Variants in COL25A1 observed in about 807,000 individuals in gnomAD.
The protein encoded by COL25A1 is collagen type XXV alpha 1 chain.
Under a neutral mutation model 128.4 loss-of-function variants are expected in COL25A1, and 103 were observed. The observed-to-expected ratio is 0.80, with a 90% CI of 0.68 to 0.94. The LOEUF is 0.94. COL25A1 is among the 40% of genes least tolerant of loss of function. COL25A1 has a pLI of 0.00. For synonymous variants in COL25A1, 279 were observed against 277.2 expected (o/e 1.01, Z -0.06); for missense variants, 745 against 840.0 (o/e 0.89, Z 1.40).
At chr4:108,889,180 A>C (rs1268802559) in intron 18 of COL25A1, 41 bp downstream of exon 18, 2 of 1,550,728 alleles carry the variant, frequency 1.3e-6, no homozygotes, top group Non-Finnish European at 1.8e-6. Flanking sequence ...TAAAATGGTG[A>C]ATATGAGACA....
chr4:108,898,060 T>A (rs1032427468), intron 15 of COL25A1, among the ~76,000 whole-genome samples: 5 of 152,196 alleles, frequency 3.3e-5, no homozygotes, highest in African/African-American at 1.2e-4. Context: ...GTCCTAGTAA[T>A]GTGTTATGAG....
At chr4:108,824,814 A>T (rs1429730453) in intron 34 of COL25A1, among the ~76,000 whole-genome samples, 1 of 152,208 alleles carries the variant, frequency 6.6e-6, no homozygotes, top group East Asian at 1.9e-4. Context: ...AAGGAAAAAA[A>T]TATTGCATAA....
At chr4:109,012,594 C>G (rs371454349) in intron 5 of COL25A1, among the ~76,000 whole-genome samples, 1 of 151,848 alleles carries the variant, frequency 6.6e-6, no homozygotes, top group Admixed American at 6.6e-5. Context: ...GGTGCCAGCC[C>G]TGGGCAGTAA....
intron 3 of COL25A1, among the ~76,000 whole-genome samples, chr4:109,293,769 A>T (rs1469824473): frequency 3.9e-5 from 6 of 152,150 alleles, no homozygotes; most frequent in African/African-American, 1.2e-4. Context: ...AAAATAAAAA[A>T]TGCGCTTCAA....
At chr4:109,189,852 G>A (rs1366589862) in intron 3 of COL25A1, among the ~76,000 whole-genome samples, 2 of 151,894 alleles carry the variant, frequency 1.3e-5, no homozygotes, top group Admixed American at 6.6e-5. Context: ...CTTTTTAATT[G>A]AAAGAGCTTT....
At chr4:109,285,908 C>G (rs916932325) in intron 3 of COL25A1, among the ~76,000 whole-genome samples, 1 of 152,014 alleles carries the variant, frequency 6.6e-6, no homozygotes, top group Non-Finnish European at 1.5e-5. Flanking sequence ...AGTGATTAAG[C>G]ATTTATCAGC....
At chr4:109,149,997 TGG>T (rs61195462) in intron 3 of COL25A1, among the ~76,000 whole-genome samples, 17,087 of 147,834 alleles carry the variant, frequency 0.12, 1,211 homozygotes, top group East Asian at 0.21. Flanking sequence ...TGTGTATGTG[TGG>T]GTGTGTGTGT....
intron 3 of COL25A1, among the ~76,000 whole-genome samples, chr4:109,206,836 T>C (rs1354916239): frequency 1.3e-5 from 2 of 152,162 alleles, no homozygotes; most frequent in African/African-American, 4.8e-5. Flanking sequence ...GGTGGCAGTC[T>C]GACAACTCCC....
At chr4:109,050,012 G>C in intron 4 of COL25A1, 123 bp downstream of exon 4, 4 of 650,340 alleles carry the variant, frequency 6.2e-6, no homozygotes. Flanking sequence ...AGGTCTAGCA[G>C]AGAAAGATTT....
chr4:109,232,676 C>G (rs1273350647), intron 3 of COL25A1, among the ~76,000 whole-genome samples: 1 of 152,090 alleles, frequency 6.6e-6, no homozygotes, highest in African/African-American at 2.4e-5. Flanking sequence ...TATAAGTAAC[C>G]TCTGTGACAA....
intron 3 of COL25A1, among the ~76,000 whole-genome samples, chr4:109,132,316 A>G (rs1769291482): frequency 6.6e-6 from 1 of 152,168 alleles, no homozygotes; most frequent in Non-Finnish European, 1.5e-5. Context: ...TTTCACTCCC[A>G]GATTCTTAAG....
intron 3 of COL25A1, among the ~76,000 whole-genome samples, chr4:109,168,953 T>G (rs1177674212): frequency 6.6e-6 from 1 of 152,166 alleles, no homozygotes; most frequent in African/African-American, 2.4e-5. Flanking sequence ...CACTACTGCA[T>G]GTACCTCTAG....
chr4:108,928,167 C>G (rs909283759), intron 11 of COL25A1, among the ~76,000 whole-genome samples: 4 of 152,164 alleles, frequency 2.6e-5, no homozygotes, highest in Non-Finnish European at 4.4e-5. Context: ...GGCCTATCAC[C>G]CTACACTACA....
At chr4:108,829,617 C>G (rs1426871751) in intron 32 of COL25A1, among the ~76,000 whole-genome samples, 1 of 152,112 alleles carries the variant, frequency 6.6e-6, no homozygotes, top group African/African-American at 2.4e-5. Context: ...ATAACCATTC[C>G]CTTCTCACTT....
chr4:108,955,725 T>C (rs1273989745), intron 8 of COL25A1, among the ~76,000 whole-genome samples: 2 of 152,028 alleles, frequency 1.3e-5, no homozygotes, highest in African/African-American at 4.8e-5. Context: ...AGAAGCATAA[T>C]AAAATAATAG....
At chr4:109,089,766 T>C (rs1012290538) in intron 3 of COL25A1, among the ~76,000 whole-genome samples, 3 of 152,082 alleles carry the variant, frequency 2.0e-5, no homozygotes, top group Non-Finnish European at 2.9e-5. Flanking sequence ...ACAACATGCC[T>C]GGCTAATTTT....
chr4:109,233,244 T>C (rs544676947), intron 3 of COL25A1, among the ~76,000 whole-genome samples: 2 of 152,280 alleles, frequency 1.3e-5, no homozygotes, highest in East Asian at 1.9e-4. Context: ...ACATAATTAC[T>C]TTTATAATCA....
intron 5 of COL25A1, among the ~76,000 whole-genome samples, chr4:109,039,640 T>C (rs1023720127): frequency 6.6e-6 from 1 of 152,226 alleles, no homozygotes; most frequent in Non-Finnish European, 1.5e-5. Flanking sequence ...TGTTTTTGTT[T>C]TGTTTTCTTC....
chr4:109,273,465 T>C (rs1008964309), intron 3 of COL25A1, among the ~76,000 whole-genome samples: 2 of 152,190 alleles, frequency 1.3e-5, no homozygotes, highest in Non-Finnish European at 2.9e-5. Context: ...TGTTCAATAA[T>C]CGTTAATACA....
Sources: gnomAD v4.1 joint callset for allele counts (sites outside exome capture counted in the v4.1 genomes callset) on GRCh38, gnomAD v4.1.1 for gene constraint, MANE v1.5 for transcripts, NCBI Gene and HGNC (gene_info 2026-07-23, HGNC 2026-07-21) for gene names.